The following WWTR1 variants were observed in gnomAD, a reference collection of about 807,000 sequenced individuals.
WWTR1 encodes the protein WW domain-containing transcription regulator protein 1.
WWTR1 carries 13 observed loss-of-function variants against 40.1 expected under a neutral mutation model. The ratio of observed to expected loss-of-function variants is 0.32; its 90% CI spans 0.21 to 0.52. The LOEUF (loss-of-function observed/expected upper bound fraction) is 0.52, where lower values mean the gene tolerates loss of function less well. Ranked by LOEUF, WWTR1 falls within the 20% of genes least tolerant of loss-of-function variation. The pLI, the probability that WWTR1 is intolerant of heterozygous loss-of-function variation, is 0.97. For synonymous variants in WWTR1, 230 were observed against 210.1 expected, an observed-to-expected ratio of 1.09 and a Z score of -0.82; for missense variants, 436 against 523.1, an observed-to-expected ratio of 0.83 and a Z score of 1.63.
chr3:149,580,032 C>G (rs143578025), intron 2 of WWTR1, among the ~76,000 whole-genome samples: 2 of 152,018 alleles, frequency 1.3e-5, no homozygotes, highest in Non-Finnish European at 1.5e-5. Context: ...GGAGTCTTGC[C>G]GAAGACTTAT....
At chr3:149,684,696 T>A (rs1378150213) in intron 1 of WWTR1, among the ~76,000 whole-genome samples, 2 of 152,112 alleles carry the variant, frequency 1.3e-5, no homozygotes, top group Non-Finnish European at 2.9e-5. Flanking sequence ...CTCGAGTAGC[T>A]GGGACTATAG....
chr3:149,663,438 G>A (rs1713671649), intron 2 of WWTR1, among the ~76,000 whole-genome samples: 1 of 151,532 alleles, frequency 6.6e-6, no homozygotes, highest in Non-Finnish European at 1.5e-5. Context: ...GCTCACGTCT[G>A]TAATCCTAGC....
intron 4 of WWTR1, among the ~76,000 whole-genome samples, chr3:149,536,375 C>T (rs1370914796): frequency 6.6e-6 from 1 of 152,126 alleles, no homozygotes; most frequent in African/African-American, 2.4e-5. Flanking sequence ...GTCCCCTGTT[C>T]TGAAGCAAAG....
chr3:149,569,739 A>G (rs1560065137), intron 3 of WWTR1, among the ~76,000 whole-genome samples: 1 of 152,256 alleles, frequency 6.6e-6, no homozygotes, highest in Non-Finnish European at 1.5e-5. Flanking sequence ...AAGAAGACCT[A>G]TCACTTTAGT....
chr3:149,636,643 G>A (rs539149374), intron 2 of WWTR1, among the ~76,000 whole-genome samples: 1 of 152,238 alleles, frequency 6.6e-6, no homozygotes, highest in East Asian at 1.9e-4. Context: ...CACAGTATGT[G>A]CTCCATAAAT....
chr3:149,718,826 C>G (rs1017370036), intron 4 of WWTR1, among the ~76,000 whole-genome samples: 1 of 127,194 alleles, frequency 7.9e-6, no homozygotes, highest in African/African-American at 3.3e-5. Context: ...TCTTCTTCTT[C>G]TTCATTTTTT....
At chr3:149,572,805 G>T in intron 3 of WWTR1, 59 bp downstream of exon 3, 2 of 1,574,842 alleles carry the variant, frequency 1.3e-6, no homozygotes, top group East Asian at 2.4e-5. Flanking sequence ...AACAAAGGGA[G>T]ACCCCAACTC....
intron 2 of WWTR1, among the ~76,000 whole-genome samples, chr3:149,575,029 G>C (rs1275152622): frequency 6.6e-6 from 1 of 152,104 alleles, no homozygotes; most frequent in Admixed American, 6.6e-5. Context: ...GGGAGGTGGA[G>C]GTTGCAGTGA....
chr3:149,709,234 C>T (rs1271302464), intron 5 of WWTR1, among the ~76,000 whole-genome samples: 1 of 151,068 alleles, frequency 6.6e-6, no homozygotes, highest in African/African-American at 2.4e-5. Context: ...CTCGACTTCC[C>T]AAAGTGCTGG....
intron 2 of WWTR1, among the ~76,000 whole-genome samples, chr3:149,639,211 A>C (rs1469316785): frequency 3.9e-5 from 6 of 152,112 alleles, no homozygotes; most frequent in Non-Finnish European, 8.8e-5. Flanking sequence ...ATCTTGGAAA[A>C]AAATATATAT....
intron 2 of WWTR1, among the ~76,000 whole-genome samples, chr3:149,653,359 G>C (rs1211796705): frequency 1.3e-5 from 2 of 152,236 alleles, no homozygotes; most frequent in Non-Finnish European, 2.9e-5. Flanking sequence ...TGAGAGGACA[G>C]CAGGAATAAT....
intron 3 of WWTR1, among the ~76,000 whole-genome samples, chr3:149,564,923 C>T (rs1006795040): frequency 8.5e-5 from 13 of 152,162 alleles, no homozygotes; most frequent in Non-Finnish European, 1.6e-4. Flanking sequence ...TGGCTCAAGC[C>T]TGTAATCCCA....
intron 2 of WWTR1, among the ~76,000 whole-genome samples, chr3:149,623,875 G>T (rs559687013): frequency 2.0e-5 from 3 of 152,070 alleles, no homozygotes; most frequent in Admixed American, 2.0e-4. Flanking sequence ...GCATCTCCTC[G>T]TTACCTTCAT....
intron 2 of WWTR1, among the ~76,000 whole-genome samples, chr3:149,574,795 T>TA (rs35224415): frequency 0.12 from 15,098 of 126,462 alleles, 941 homozygotes; most frequent in Admixed American, 0.17. Context: ...TAAATGTGAT[T>TA]AAAAAAAAAA....
intron 6 of WWTR1, among the ~76,000 whole-genome samples, chr3:149,522,167 C>T (rs1054425304): frequency 1.3e-5 from 2 of 152,174 alleles, no homozygotes; most frequent in Non-Finnish European, 2.9e-5. Context: ...TCCACCATAA[C>T]GTCATTTTTT....
At chr3:149,595,504 T>C (rs894167208) in intron 2 of WWTR1, among the ~76,000 whole-genome samples, 1 of 152,184 alleles carries the variant, frequency 6.6e-6, no homozygotes, top group Non-Finnish European at 1.5e-5. Flanking sequence ...TTGAAAATAC[T>C]ACTATTAAAT....
intron 4 of WWTR1, among the ~76,000 whole-genome samples, chr3:149,718,717 T>C (rs778805003): frequency 6.6e-6 from 1 of 152,218 alleles, no homozygotes; most frequent in Non-Finnish European, 1.5e-5. Flanking sequence ...TTCATAAAAG[T>C]GGGATCATAT....
At chr3:149,609,891 C>T (rs1560083526) in intron 2 of WWTR1, among the ~76,000 whole-genome samples, 1 of 152,218 alleles carries the variant, frequency 6.6e-6, no homozygotes. Flanking sequence ...TAATAACCTT[C>T]CTTTTCCAAG....
chr3:149,603,906 ACACATTGGC>A (rs913493158), intron 2 of WWTR1, among the ~76,000 whole-genome samples: 1 of 151,890 alleles, frequency 6.6e-6, no homozygotes, highest in Non-Finnish European at 1.5e-5. Context: ...TCAGTCAAGA[ACACATTGGC>A]CACATCTAAG....
Sources: allele counts gnomAD v4.1 joint callset (sites outside exome capture counted in the v4.1 genomes callset), GRCh38; gene constraint gnomAD v4.1.1; transcripts MANE v1.5; gene names NCBI Gene and HGNC (gene_info 2026-07-23, HGNC 2026-07-21).